The following ITGAE variants were observed in gnomAD, a reference collection of about 807,000 sequenced individuals.
The protein encoded by ITGAE is integrin alpha-E.
Under a neutral mutation model 136.5 loss-of-function variants are expected in ITGAE, and 99 were observed. That is an observed-to-expected ratio of 0.73 (90% confidence interval 0.62 to 0.86). The LOEUF is 0.86. Ranked by LOEUF, ITGAE falls within the 40% of genes least tolerant of loss-of-function variation. ITGAE has a pLI of 0.00. For missense variants in ITGAE, 1,447 were observed against 1,515.3 expected (o/e 0.95, Z 0.75); for synonymous variants, 613 against 591.8 (o/e 1.04, Z -0.52).
At chr17:3,784,182 C>T (rs1265926262) in intron 1 of ITGAE, among the ~76,000 whole-genome samples, 1 of 151,934 alleles carries the variant, frequency 6.6e-6, no homozygotes, top group African/African-American at 2.4e-5. Context: ...ATGGCGTGAA[C>T]CCGGGAGGCG....
rs2051875967 is a variant in ITGAE, at chr17:3,751,770, C to T, written c.1773G>A (p.Lys591=). The T allele has an allele frequency of 1.2e-6, 2 of 1,614,144 alleles. No homozygotes were observed. The highest frequency in any genetic ancestry group is 1.7e-6 in the Non-Finnish European group (2 of 1,179,996). Residue 591 remains lysine, a synonymous_variant, in exon 15 of 31, where the codon AAG becomes AAA. Transcript: ENST00000263087. ...MAAMGDLSQD[K]LTDVAIGAPL... is the part of the protein sequence containing the mutation. Reference sequence around the variant, plus strand: ...GGGCCCCGATGGCCACATCTGTGAGCTTATCCTGACTGAGATCCCCCATAG... The same window carrying T: ...GGGCCCCGATGGCCACATCTGTGAGTTTATCCTGACTGAGATCCCCCATAG...
chr17:3,786,782 C>G (rs565632791), intron 1 of ITGAE, among the ~76,000 whole-genome samples: 1 of 148,852 alleles, frequency 6.7e-6, no homozygotes, highest in African/African-American at 2.5e-5. Flanking sequence ...CCCAGCTACT[C>G]GGGAGGCTGA....
intron 18 of ITGAE, 60 bp from the exon 19 acceptor site, chr17:3,743,677 A>C: frequency 6.8e-7 from 1 of 1,475,852 alleles, no homozygotes; most frequent in East Asian, 2.4e-5. Context: ...GATGACAACA[A>C]TAATGCTTTT....
chr17:3,744,446 C>CTCTCTTT lies in ITGAE; in HGVS notation c.2320-830_2320-829insAAAGAGA, dbSNP rs1555520830. 2.8e-3 allele frequency among the ~76,000 whole-genome samples: 363 copies of CTCTCTTT among 128,256 alleles called. 17 individuals carry two copies. The highest frequency in any genetic ancestry group is 0.01 in the African/African-American group (348 of 34,064). The allele number at this position is 128,256 out of a possible 152,430, so 84.1% of individuals were successfully genotyped here. ...CACCTGGGTTTATCAAGTTCTTTCT[C>CTCTCTTT]TTTTTTTTTTTTTTTTTTGAGATGG... is the stretch of plus-strand genomic sequence containing the variant. On this transcript the variant is annotated intron_variant, in intron 18 of 30. Coordinates refer to ENST00000263087, the MANE Select transcript of ITGAE (RefSeq NM_002208.5).
chr17:3,747,382 A>G (rs1411669130), intron 17 of ITGAE, among the ~76,000 whole-genome samples: 1 of 151,348 alleles, frequency 6.6e-6, no homozygotes, highest in Non-Finnish European at 1.5e-5. Context: ...CAGTGGTGCG[A>G]TCTCAGCTCA....
At chr17:3,728,515 G>A in intron 24 of ITGAE, 1 of 195,778 alleles carries the variant, frequency 5.1e-6, no homozygotes, top group Non-Finnish European at 1.1e-5. Flanking sequence ...TGAGATTACA[G>A]GCGCCTGCCA....
rs1461956862 is a variant in ITGAE, at chr17:3,798,646, G to A, written c.34+2465C>T. Among the ~76,000 whole-genome samples, 1 of 152,204 alleles carries A rather than the reference G, an allele frequency of 6.6e-6. No individual in the cohort carries two copies. Among genetic ancestry groups the A allele is most frequent in the African/African-American group, 2.4e-5 (1 of 41,446 alleles). On this transcript the variant is annotated intron_variant, in intron 1 of 30. Coordinates refer to ENST00000263087, the MANE Select transcript of ITGAE (RefSeq NM_002208.5). The surrounding 1 kb of genome is among the most constrained non-coding windows in gnomAD (Gnocchi z 4.3). ...CACAGCCCCTGGCCTCAGCCCGAGT[G>A]CGTGCCACCAGCAGAGCGGGCCCTG...
intron 2 of ITGAE, among the ~76,000 whole-genome samples, 178 bp downstream of exon 2, chr17:3,777,362 G>A (rs766472652): frequency 7.9e-4 from 120 of 152,218 alleles, no homozygotes; most frequent in Non-Finnish European, 1.6e-3. Flanking sequence ...AGACCAGCCC[G>A]ATGCCCACAG....
chr17:3,718,956 A>G (rs7218908), intron 29 of ITGAE, among the ~76,000 whole-genome samples: 20,734 of 152,092 alleles, frequency 0.14, 4,725 homozygotes, highest in African/African-American at 0.47. Context: ...ACTTAGCCGG[A>G]CATGGTGGCT....
At position 3,785,555 on chromosome 17, in the gene ITGAE, G is replaced by A. The variant is rs527372072; in HGVS notation, c.35-7895C>T. ...GGAAGGAAGGAAGGAAGGAAGGAAG[G>A]AAAACTAGAAAAATCTGAACCTCGT... On this transcript the variant is annotated intron_variant, in intron 1 of 30. Coordinates refer to ENST00000263087, the MANE Select transcript of ITGAE (RefSeq NM_002208.5). Among the ~76,000 whole-genome samples, 8 of 147,342 alleles carry A rather than the reference G, an allele frequency of 5.4e-5. No individual in the cohort carries two copies. In the East Asian group the frequency reaches 1.4e-3, roughly 26 times the overall value.
At chr17:3,722,454 C>T (rs12939380) in intron 28 of ITGAE, 2 of 151,428 alleles carry the variant, frequency 1.3e-5, no homozygotes, top group Non-Finnish European at 2.9e-5. Flanking sequence ...GCACTCCAGC[C>T]CGGGTGACAG....
At chr17:3,718,730 A>G (rs1449343737) in intron 29 of ITGAE, among the ~76,000 whole-genome samples, 1 of 152,238 alleles carries the variant, frequency 6.6e-6, no homozygotes, top group Non-Finnish European at 1.5e-5. Context: ...ATGTGCACAT[A>G]AGAAACTTAA....
intron 1 of ITGAE, among the ~76,000 whole-genome samples, chr17:3,795,930 C>T (rs1423360674): frequency 8.0e-5 from 9 of 113,042 alleles, no homozygotes; most frequent in Non-Finnish European, 1.3e-4. Flanking sequence ...TGTGTGCATC[C>T]GTGTGTGTGC....
intron 22 of ITGAE, 92 bp from the exon 23 acceptor site, chr17:3,731,275 G>C: frequency 2.3e-6 from 2 of 859,528 alleles, no homozygotes; most frequent in Non-Finnish European, 1.9e-6. Context: ...CCTAGGAGAC[G>C]ATTCCTCAGA....
intron 26 of ITGAE, 137 bp downstream of exon 26, chr17:3,727,782 A>G (rs1373637740): frequency 3.1e-6 from 2 of 653,602 alleles, no homozygotes; most frequent in Non-Finnish European, 2.7e-6. Flanking sequence ...TCTGAACAGG[A>G]CTTCGGGAAT....
Position 3,748,106 on chromosome 17 carries a change from G to A in ITGAE, c.2025-54C>T. The A allele has an allele frequency of 3.2e-6, 5 of 1,567,088 alleles. No individual in the cohort carries two copies. The South Asian group carries it at 5.6e-5, about 18-fold the overall frequency. On this transcript the variant is annotated intron_variant, in intron 16 of 30. Transcript: ENST00000263087. ...AAGTGACTGCTCAGCCTCTGGGTCAGGGCCTGGCTGATTGGTTCATGCATT... is the reference window on the plus strand; with the variant it reads ...AAGTGACTGCTCAGCCTCTGGGTCAAGGCCTGGCTGATTGGTTCATGCATT...
intron 24 of ITGAE, among the ~76,000 whole-genome samples, chr17:3,728,625 A>G (rs2976232): frequency 0.39 from 57,368 of 147,448 alleles, 13,166 homozygotes; most frequent in African/African-American, 0.63. Context: ...CACCCACCTC[A>G]GCCTCCCAAA....
rs112742970 is a variant in ITGAE at position 3,749,548 on chromosome 17, A to G, written c.2024+804T>C. Among the ~76,000 whole-genome samples, 872 of 151,822 alleles carry G rather than the reference A, an allele frequency of 5.7e-3. 11 individuals are homozygous for G. The highest frequency in any genetic ancestry group is 0.018 in the African/African-American group (753 of 41,452). ...ATTACAGGTGTGAGCCACTGCGCCC[A>G]GCAAAAGCTCTGTTTTTAGACGTGT... On this transcript the variant is annotated intron_variant, in intron 16 of 30. Transcript: ENST00000263087.
rs1030771126 is a variant in ITGAE at position 3,731,042 on chromosome 17, G to A, written c.2834+62C>T. ...GGGCCGTTCCTCTCACAGCGTGCAT[G>A]TGGCAGGGAGATGTCTTCCGGGGTC... On this transcript the variant is annotated intron_variant, in intron 23 of 30. Coordinates refer to ENST00000263087, the MANE Select transcript of ITGAE (RefSeq NM_002208.5). The A allele has an allele frequency of 8.9e-6, 12 of 1,352,002 alleles. No individual in the cohort carries two copies. The African/African-American group carries it at 1.4e-4, about 16-fold the overall frequency. 83.8% of individuals were successfully genotyped at this position (1,352,002 alleles called of 1,614,324 possible).
Sources: gnomAD v4.1 joint callset for allele counts (sites outside exome capture counted in the v4.1 genomes callset) on GRCh38, gnomAD v4.1.1 for gene constraint, Gnocchi (gnomAD v3.1) non-coding constraint, MANE v1.5 for transcripts, NCBI Gene and HGNC (gene_info 2026-07-23, HGNC 2026-07-21) for gene names.